WWOX: variants seen among roughly 807,000 people sequenced by gnomAD.
WWOX encodes WW domain containing oxidoreductase.
Under a neutral mutation model 46.2 loss-of-function variants are expected in WWOX, and 69 were observed. That is an observed-to-expected ratio of 1.49 (90% CI 1.23 to 1.82). The LOEUF (loss-of-function observed/expected upper bound fraction) is 1.82, where lower values mean the gene tolerates loss of function less well. Among genes scored for constraint, WWOX ranks in the 40% most tolerant of loss-of-function variants. The pLI, the probability that WWOX is intolerant of heterozygous loss-of-function variation, is 0.00. For synonymous variants in WWOX, 359 were observed against 202.6 expected (o/e 1.77, Z -6.56); for missense variants, 919 against 542.6 (o/e 1.69, Z -6.89).
intron 8 of WWOX, among the ~76,000 whole-genome samples, chr16:78,683,957 A>C (rs1180591259): frequency 4.6e-5 from 7 of 152,170 alleles, no homozygotes; most frequent in Non-Finnish European, 5.9e-5. Flanking sequence ...GTTTTGGGTA[A>C]CTGTCTCTTG....
chr16:78,411,148 C>G (rs150607288), intron 6 of WWOX, among the ~76,000 whole-genome samples: 49 of 152,208 alleles, frequency 3.2e-4, no homozygotes, highest in African/African-American at 1.2e-3. Context: ...AAACAAATTC[C>G]TAGGTCTCAC....
intron 8 of WWOX, among the ~76,000 whole-genome samples, chr16:78,881,944 G>GT (rs1567623550): frequency 1.3e-5 from 2 of 152,094 alleles, no homozygotes. Flanking sequence ...CCAACATGGT[G>GT]AAACCTCATC....
chr16:78,129,248 G>A (rs1056234544), intron 4 of WWOX, among the ~76,000 whole-genome samples: 8 of 151,928 alleles, frequency 5.3e-5, no homozygotes, highest in Non-Finnish European at 1.2e-4. Context: ...TCATCATCGC[G>A]ACGCTGTTAG....
intron 8 of WWOX, among the ~76,000 whole-genome samples, chr16:78,957,674 G>C (rs943341237): frequency 6.6e-6 from 1 of 152,084 alleles, no homozygotes; most frequent in Non-Finnish European, 1.5e-5. Context: ...TTAAGTCAAG[G>C]GATTTTCAAG....
At chr16:78,128,180 C>G (rs1418067458) in intron 4 of WWOX, among the ~76,000 whole-genome samples, 1 of 151,874 alleles carries the variant, frequency 6.6e-6, no homozygotes, top group Non-Finnish European at 1.5e-5. Flanking sequence ...AAAATAAGAG[C>G]TCTTGACTTT....
At chr16:78,831,325 C>T (rs138416032) in intron 8 of WWOX, among the ~76,000 whole-genome samples, 1 of 152,150 alleles carries the variant, frequency 6.6e-6, no homozygotes, top group East Asian at 1.9e-4. Context: ...CTGAAGTAGC[C>T]CCTGACCAGC....
intron 8 of WWOX, among the ~76,000 whole-genome samples, chr16:78,915,270 A>G (rs1567646153): frequency 6.6e-6 from 1 of 152,192 alleles, no homozygotes; most frequent in Non-Finnish European, 1.5e-5. Flanking sequence ...TCCAGTCATG[A>G]AACAGAGAAT....
At chr16:78,733,452 C>G (rs2049011836) in intron 8 of WWOX, among the ~76,000 whole-genome samples, 1 of 151,698 alleles carries the variant, frequency 6.6e-6, no homozygotes, top group Non-Finnish European at 1.5e-5. Flanking sequence ...GAGACCTTGT[C>G]TCAAAAAATA....
chr16:79,062,551 T>G (rs931765715), intron 8 of WWOX, among the ~76,000 whole-genome samples: 1 of 152,272 alleles, frequency 6.6e-6, no homozygotes, highest in African/African-American at 2.4e-5. Flanking sequence ...CACCAAGCAC[T>G]TAGGAATAAT....
rs193063517 is a variant in WWOX, at chr16:78,132,227, C to T, written c.409+17073C>T. On this transcript the variant is annotated intron_variant, in intron 4 of 8. Transcript: ENST00000566780. ...TTTTTTAGTAGAGACGGGGTTTCAC[C>T]GTGTTAGCAAGGATGGTCTTGATCT... Among the ~76,000 whole-genome samples, 19 of 151,724 alleles carry T rather than the reference C, an allele frequency of 1.3e-4. No individual in the cohort carries two copies. The East Asian group carries it at 2.6e-3, about 20-fold the overall frequency.
At chr16:78,877,190 C>T (rs776868975) in intron 8 of WWOX, among the ~76,000 whole-genome samples, 17 of 152,122 alleles carry the variant, frequency 1.1e-4, no homozygotes, top group Non-Finnish European at 1.6e-4. Context: ...CTATTTCATC[C>T]ATCTAAGACT....
intron 8 of WWOX, among the ~76,000 whole-genome samples, chr16:78,839,547 T>C (rs1439703461): frequency 1.3e-5 from 2 of 152,224 alleles, no homozygotes; most frequent in Admixed American, 6.5e-5. Flanking sequence ...TAGGTGTTAA[T>C]ACTTTGCAAT....
chr16:79,099,186 C>G (rs919010328), intron 8 of WWOX, among the ~76,000 whole-genome samples: 4 of 152,148 alleles, frequency 2.6e-5, no homozygotes, highest in African/African-American at 7.2e-5. Context: ...GCATGAAGCC[C>G]TTCATGAGGG....
At chr16:78,112,699 C>CT (rs2032564743) in intron 3 of WWOX, among the ~76,000 whole-genome samples, 1 of 116,172 alleles carries the variant, frequency 8.6e-6, no homozygotes. Flanking sequence ...TCCAAGTTTT[C>CT]TTTCTTTTTT....
intron 8 of WWOX, among the ~76,000 whole-genome samples, chr16:78,967,872 G>A (rs1398086040): frequency 6.6e-6 from 1 of 152,176 alleles, no homozygotes; most frequent in Non-Finnish European, 1.5e-5. Flanking sequence ...GCAGCCTCCG[G>A]GGCCACATCA....
chr16:79,129,066 A>G (rs898542327), intron 8 of WWOX, among the ~76,000 whole-genome samples: 1 of 152,106 alleles, frequency 6.6e-6, no homozygotes, highest in African/African-American at 2.4e-5. Flanking sequence ...TTCTTCTTTT[A>G]TGCTGAGAGT....
At chr16:78,501,902 G>T (rs2085079636) in intron 8 of WWOX, among the ~76,000 whole-genome samples, 1 of 152,090 alleles carries the variant, frequency 6.6e-6, no homozygotes. Context: ...GGGTGGCAAT[G>T]AAAGGTGAAA....
intron 6 of WWOX, among the ~76,000 whole-genome samples, chr16:78,395,493 C>T (rs1419592522): frequency 2.0e-5 from 3 of 151,898 alleles, no homozygotes; most frequent in Admixed American, 2.0e-4. Flanking sequence ...GCCTGGGCAA[C>T]AGAGCCAGAA....
At chr16:78,431,798 C>T (rs7200943) in intron 7 of WWOX, among the ~76,000 whole-genome samples, 42 of 151,980 alleles carry the variant, frequency 2.8e-4, no homozygotes, top group African/African-American at 8.7e-4. Context: ...CTCACTGCAA[C>T]GTTGACCTCC....
Sources: gnomAD v4.1 joint callset for allele counts (sites outside exome capture counted in the v4.1 genomes callset) on GRCh38, gnomAD v4.1.1 for gene constraint, MANE v1.5 for transcripts, NCBI Gene and HGNC (gene_info 2026-07-23, HGNC 2026-07-21) for gene names.